Variants in GSDMC observed in about 807,000 individuals in gnomAD.
GSDMC encodes the protein gasdermin C.
Under a neutral mutation model 58.0 loss-of-function variants are expected in GSDMC, and 59 were observed. The ratio of observed to expected loss-of-function variants is 1.02; its 90% CI spans 0.82 to 1.26. The LOEUF (loss-of-function observed/expected upper bound fraction) is 1.26, where lower values mean the gene tolerates loss of function less well. GSDMC is among the 50% of genes most tolerant of loss of function. GSDMC has a pLI of 0.00. For missense variants in GSDMC, 659 were observed against 598.5 expected (o/e 1.10, Z -1.06); for synonymous variants, 241 against 220.2 (o/e 1.09, Z -0.83).
the GSDMC span, among the ~76,000 whole-genome samples, chr8:129,709,066 A>G: frequency 2.0e-5 from 3 of 152,056 alleles, no homozygotes; most frequent in Non-Finnish European, 2.9e-5. Flanking sequence ...TGTATATTCT[A>G]TCTCCCTGTT....
At chr8:129,782,515 G>A (rs747658323) in intron 1 of GSDMC, among the ~76,000 whole-genome samples, 7 of 151,748 alleles carry the variant, frequency 4.6e-5, no homozygotes, top group Non-Finnish European at 8.8e-5. Context: ...AATCACAGAT[G>A]AAAAAGAAAA....
chr8:129,753,692 T>C (rs1376918722), intron 6 of GSDMC, among the ~76,000 whole-genome samples: 2 of 152,164 alleles, frequency 1.3e-5, no homozygotes, highest in East Asian at 3.9e-4. Flanking sequence ...CCAAGCAGGC[T>C]CTTGGGGCCC....
chr8:129,732,378 C>T, the GSDMC span, among the ~76,000 whole-genome samples: 1 of 150,366 alleles, frequency 6.7e-6, no homozygotes, highest in Non-Finnish European at 1.5e-5. Context: ...CAGTTACACC[C>T]CCTAGGGAGG....
chr8:129,709,586 TA>T, the GSDMC span, among the ~76,000 whole-genome samples: 66 of 141,336 alleles, frequency 4.7e-4, no homozygotes, highest in African/African-American at 1.4e-3. Context: ...GATAGATAGA[TA>T]GATGATAGAT....
At chr8:129,773,680 G>A (rs549633984) in intron 3 of GSDMC, among the ~76,000 whole-genome samples, 95 of 151,832 alleles carry the variant, frequency 6.3e-4, no homozygotes, top group African/African-American at 2.1e-3. Flanking sequence ...CAGCTACTTG[G>A]GAGGCTGAGG....
intron 1 of GSDMC, among the ~76,000 whole-genome samples, chr8:129,785,435 C>CA (rs539459769): frequency 6.3e-4 from 89 of 141,988 alleles, no homozygotes; most frequent in African/African-American, 2.0e-3. Context: ...TAAATGAGCA[C>CA]AAAAAAAATA....
At chr8:129,730,207 A>G in the GSDMC span, 19 of 1,242,612 alleles carry the variant, frequency 1.5e-5, no homozygotes, top group Non-Finnish European at 2.0e-5. Context: ...TATCTAGAAG[A>G]AGAAATGAAT....
chr8:129,722,384 G>A, the GSDMC span, among the ~76,000 whole-genome samples: 27 of 152,314 alleles, frequency 1.8e-4, 1 homozygote, highest in East Asian at 2.7e-3. Flanking sequence ...TTGGGTTAGT[G>A]TAGCTTATAA....
At chr8:129,730,010 C>T in the GSDMC span, 204 of 1,406,684 alleles carry the variant, frequency 1.5e-4, no homozygotes, top group Non-Finnish European at 1.8e-4. Flanking sequence ...CATCTTCCAA[C>T]GGAAGAAGAA....
chr8:129,776,243 A>T lies in GSDMC; in HGVS notation c.263T>A (p.Ile88Asn), dbSNP rs756573853. ...ACCCATGTCAGCCTTATGCTTCTGG[A>T]TCATAATGTCACTGAAGTGGAACGG... is the stretch of plus-strand genomic sequence containing the variant. Reference protein sequence around the residue: ...TGPFHFSDIMIQKHKADMGVN... With the variant: ...TGPFHFSDIMNQKHKADMGVN... Residue 88 changes from isoleucine (I) to asparagine (N), a missense_variant, in exon 3 of 14, where the codon ATC becomes AAC. By Grantham distance (149) the Ile-to-Asn change is moderately radical. Transcript: ENST00000276708. 5 of 1,613,654 alleles carry T rather than the reference A, an allele frequency of 3.1e-6. No homozygotes were observed. The highest frequency in any genetic ancestry group is 3.4e-6 in the Non-Finnish European group (4 of 1,179,764).
chr8:129,784,385 C>A (rs76335166), intron 1 of GSDMC, among the ~76,000 whole-genome samples: 1 of 151,950 alleles, frequency 6.6e-6, no homozygotes, highest in African/African-American at 2.4e-5. Flanking sequence ...GGAGCCCACA[C>A]AACTCTATAG....
intron 9 of GSDMC, 32 bp downstream of exon 9, chr8:129,751,830 C>A: frequency 6.3e-7 from 1 of 1,577,980 alleles, no homozygotes; most frequent in Non-Finnish European, 8.7e-7. Flanking sequence ...GGATGGGATC[C>A]CCACCCCCAC....
intron 4 of GSDMC, 65 bp from the exon 5 acceptor site, chr8:129,762,796 G>A (rs2033718314): frequency 9.1e-6 from 10 of 1,098,414 alleles, no homozygotes; most frequent in Non-Finnish European, 1.2e-5. Flanking sequence ...GATGGCTCTA[G>A]AAAGCTCATT....
At chr8:129,777,740 C>T (rs185023489) in intron 1 of GSDMC, 149 bp from the exon 2 acceptor site, 576 of 613,174 alleles carry the variant, frequency 9.4e-4, no homozygotes, top group Non-Finnish European at 1.3e-3. Flanking sequence ...ATAACTTTCT[C>T]AACTTTGAGT....
At chr8:129,716,742 C>T in the GSDMC span, among the ~76,000 whole-genome samples, 1 of 152,082 alleles carries the variant, frequency 6.6e-6, no homozygotes, top group African/African-American at 2.4e-5. Context: ...ATTATGACAT[C>T]GGCTGTGGGT....
At chr8:129,749,297 G>T (rs1471823870) in intron 13 of GSDMC, among the ~76,000 whole-genome samples, 155 bp downstream of exon 13, 1 of 152,104 alleles carries the variant, frequency 6.6e-6, no homozygotes, top group Non-Finnish European at 1.5e-5. Flanking sequence ...TCTCCAGAAG[G>T]ACACTGCAGC....
chr8:129,774,674 G>C (rs1312516506), intron 3 of GSDMC, among the ~76,000 whole-genome samples: 3 of 152,038 alleles, frequency 2.0e-5, no homozygotes, highest in African/African-American at 7.2e-5. Flanking sequence ...GCCTGATAAA[G>C]GGTTAATATC....
In GSDMC at chr8:129,748,536, T is replaced by C. The variant is rs1474564773; in HGVS notation, c.1492A>G (p.Thr498Ala). The change falls in exon 14 of 14, where the codon ACT (threonine) becomes GCT (alanine). Residue 498 changes from threonine to alanine, a missense_variant. Coordinates refer to ENST00000276708, the MANE Select transcript of GSDMC (RefSeq NM_031415.3). ...AKMPLSALYGTLSLLQQLAEA is the reference protein window; with the variant it reads ...AKMPLSALYGALSLLQQLAEA ...GCCAGCTGCTGCAGCAACGAGAGAG[T>C]CCCATAGAGGGCAGACAGGGGCATC... The C allele has an allele frequency of 6.2e-7, 1 of 1,612,082 alleles. No individual in the cohort carries two copies. The highest frequency in any genetic ancestry group is 8.5e-7 in the Non-Finnish European group (1 of 1,179,092).
At chr8:129,778,476 G>A (rs2034313772) in intron 1 of GSDMC, among the ~76,000 whole-genome samples, 1 of 152,026 alleles carries the variant, frequency 6.6e-6, no homozygotes, top group South Asian at 2.1e-4. Flanking sequence ...ATAAAAGACT[G>A]AAATGTAAAA....
Sources: gnomAD v4.1 joint callset for allele counts (sites outside exome capture counted in the v4.1 genomes callset) on GRCh38, gnomAD v4.1.1 for gene constraint, MANE v1.5 for transcripts, NCBI Gene and HGNC (gene_info 2026-07-23, HGNC 2026-07-21) for gene names.